Variants in NCOA6 observed in about 807,000 individuals in gnomAD.
The protein encoded by NCOA6 is nuclear receptor coactivator 6.
Under a neutral mutation model 171.4 loss-of-function variants are expected in NCOA6, and 49 were observed. The ratio of observed to expected loss-of-function variants is 0.29; its 90% CI spans 0.23 to 0.36. The LOEUF is 0.36. NCOA6 is among the 10% of genes least tolerant of loss of function. The pLI is 1.00. For missense variants in NCOA6, 2,248 were observed against 2,554.5 expected (o/e 0.88, Z 2.59); for synonymous variants, 910 against 927.5 (o/e 0.98, Z 0.34).
intron 1 of NCOA6, among the ~76,000 whole-genome samples, chr20:34,800,333 G>A (rs2078217254): frequency 6.6e-6 from 1 of 151,966 alleles, no homozygotes; most frequent in South Asian, 2.1e-4. Context: ...AAAACAACCA[G>A]AAAACCAATA....
At chr20:34,736,642 A>T in intron 12 of NCOA6, 48 bp downstream of exon 12, 1 of 1,472,744 alleles carries the variant, frequency 6.8e-7, no homozygotes, top group Non-Finnish European at 9.3e-7. Flanking sequence ...TAGTTCCTTC[A>T]CATGTAACCC....
At chr20:34,791,152 G>A (rs560329603) in intron 2 of NCOA6, among the ~76,000 whole-genome samples, 1 of 152,264 alleles carries the variant, frequency 6.6e-6, no homozygotes, top group South Asian at 2.1e-4. Flanking sequence ...CCACTGAACT[G>A]TTCACTTTAA....
chr20:34,723,711 C>G (rs993338834), intron 14 of NCOA6, among the ~76,000 whole-genome samples: 1 of 152,188 alleles, frequency 6.6e-6, no homozygotes, highest in African/African-American at 2.4e-5. Flanking sequence ...CCCCAACACC[C>G]CTTAAAAACA....
intron 11 of NCOA6, among the ~76,000 whole-genome samples, 163 bp downstream of exon 11, chr20:34,740,200 T>C (rs1423552223): frequency 1.3e-5 from 2 of 152,194 alleles, no homozygotes; most frequent in African/African-American, 4.8e-5. Flanking sequence ...TAACATGGGA[T>C]TTAAAAGCAT....
intron 4 of NCOA6, among the ~76,000 whole-genome samples, chr20:34,770,190 C>T (rs1028582419): frequency 1.3e-5 from 2 of 152,092 alleles, no homozygotes; most frequent in Non-Finnish European, 2.9e-5. Context: ...CAGGCACGTG[C>T]CAATACAAGC....
At chr20:34,797,636 C>T (rs985315335) in intron 1 of NCOA6, among the ~76,000 whole-genome samples, 2 of 151,924 alleles carry the variant, frequency 1.3e-5, no homozygotes, top group Admixed American at 6.6e-5. Context: ...GCCTATAATC[C>T]CAGCACTTTG....
chr20:34,753,132 G>A (rs775934040), intron 8 of NCOA6, among the ~76,000 whole-genome samples: 15 of 149,744 alleles, frequency 1.0e-4, no homozygotes, highest in Admixed American at 4.0e-4. Flanking sequence ...AACAACCTCT[G>A]CCTCCCAGGT....
In NCOA6 at chr20:34,746,901, C is replaced by G. The variant is rs994180225; in HGVS notation, c.2820G>C (p.Leu940=). 2 of 1,582,558 alleles carry G rather than the reference C, an allele frequency of 1.3e-6. No homozygotes were observed. Among genetic ancestry groups the G allele is most frequent in the Non-Finnish European group, 8.6e-7 (1 of 1,163,068 alleles). Residue 940 remains leucine (L), a synonymous_variant, in exon 10 of 15, where the codon CTG becomes CTC. Transcript: ENST00000359003. ...GCAACGGTGGCTGATCAGCCTCTTC[C>G]AGACCAGCTGGGCGAGTATCTGGGG... ...LNTPDTRPAG[L]EEADQPPLPG... is the part of the protein sequence containing the mutation.
intron 12 of NCOA6, among the ~76,000 whole-genome samples, chr20:34,733,850 CAAAAAAAAAAAA>C (rs60649247): frequency 1.4e-4 from 6 of 44,382 alleles, no homozygotes; most frequent in Admixed American, 4.0e-4. Flanking sequence ...GACTCTGTCC[CAAAAAAAAAAAA>C]AAAAAAAAAA....
At chr20:34,749,369 G>A (rs746261842) in intron 9 of NCOA6, 34 bp downstream of exon 9, 30 of 1,554,370 alleles carry the variant, frequency 1.9e-5, no homozygotes, top group Admixed American at 8.0e-5. Flanking sequence ...GAAAACAAAT[G>A]AATAAAATTT....
intron 4 of NCOA6, among the ~76,000 whole-genome samples, chr20:34,775,220 T>C (rs1019866431): frequency 6.6e-6 from 1 of 151,960 alleles, no homozygotes; most frequent in African/African-American, 2.4e-5. Flanking sequence ...CCTGAGGTCA[T>C]GGTAAGGAGT....
At chr20:34,785,407 T>C (rs1448729193) in intron 2 of NCOA6, among the ~76,000 whole-genome samples, 1 of 143,964 alleles carries the variant, frequency 6.9e-6, no homozygotes, top group Non-Finnish European at 1.5e-5. Flanking sequence ...CCAGGCTAGG[T>C]AACAGCGAGA....
intron 14 of NCOA6, among the ~76,000 whole-genome samples, chr20:34,722,832 TACACACACACCC>T (rs773097382): frequency 1.2e-4 from 17 of 141,910 alleles, no homozygotes; most frequent in Non-Finnish European, 2.6e-4. Context: ...CTAAAAAAAA[TACACACACACCC>T]ACACACACAA....
chr20:34,741,672 T>C lies in NCOA6; in HGVS notation c.4584A>G (p.Ala1528=), dbSNP rs1158107574. ...PVVSGEDLKK[A]SVIPTLQDLS... ...GATCCTGCAGTGTGGGAATGACAGATGCTTTTTTGAGGTCCTCCCCAGAAA... is the reference window on the plus strand; with the variant it reads ...GATCCTGCAGTGTGGGAATGACAGACGCTTTTTTGAGGTCCTCCCCAGAAA... Residue 1528 remains alanine, a synonymous_variant, in exon 11 of 15, where the codon GCA becomes GCG. Transcript: ENST00000359003. 4.3e-6 allele frequency: 7 copies of C among 1,614,076 alleles called. No individual in the cohort carries two copies. Among genetic ancestry groups the C allele is most frequent in the South Asian group, 3.3e-5 (3 of 91,080 alleles).
chr20:34,772,946 C>CCA (rs3838021), intron 4 of NCOA6, among the ~76,000 whole-genome samples: 1 of 152,126 alleles, frequency 6.6e-6, no homozygotes, highest in East Asian at 1.9e-4. Context: ...AACAGAATTT[C>CCA]CACACTATAC....
chr20:34,739,577 T>C (rs1010308198), intron 11 of NCOA6, among the ~76,000 whole-genome samples: 15 of 152,252 alleles, frequency 9.9e-5, no homozygotes, highest in East Asian at 3.9e-4. Flanking sequence ...TGTTCTGAAA[T>C]AGTCATGAGC....
chr20:34,772,174 C>T (rs899042599), intron 4 of NCOA6, among the ~76,000 whole-genome samples: 2 of 152,036 alleles, frequency 1.3e-5, no homozygotes, highest in African/African-American at 2.4e-5. Flanking sequence ...TAGTCAGGTC[C>T]GTGGTGGCAC....
chr20:34,732,786 G>T, intron 12 of NCOA6, 191 bp from the exon 13 acceptor site: 1 of 489,320 alleles, frequency 2.0e-6, no homozygotes, highest in Non-Finnish European at 3.6e-6. Flanking sequence ...TAAGACACTT[G>T]GTCTATTTTT....
chr20:34,750,491 G>A lies in NCOA6; in HGVS notation c.1704C>T (p.Asn568=). Residue 568 remains asparagine (N), a synonymous_variant, in exon 9 of 15, where the codon AAC becomes AAT. Transcript: ENST00000359003. ...AGGQGAGPPQ[N]QMQVSHGPPN... ...GCGGCCCGTGGGACACCTGCATCTG[G>A]TTTTGAGGAGGACCAGCTCCTTGAC... is the stretch of plus-strand genomic sequence containing the variant. The A allele has an allele frequency of 5.0e-6, 8 of 1,609,484 alleles. No homozygotes were observed. The highest frequency in any genetic ancestry group is 4.4e-5 in the South Asian group (4 of 90,598).
Sources: allele counts gnomAD v4.1 joint callset (sites outside exome capture counted in the v4.1 genomes callset), GRCh38; gene constraint gnomAD v4.1.1; transcripts MANE v1.5; gene names NCBI Gene and HGNC (gene_info 2026-07-23, HGNC 2026-07-21).